DISC1: variants seen among roughly 807,000 people sequenced by gnomAD.
DISC1 encodes the protein disrupted in schizophrenia 1 protein.
A neutral mutation model predicts 84.5 loss-of-function variants in DISC1; 57 were observed. The observed-to-expected ratio is 0.67, with a 90% CI of 0.55 to 0.84. The LOEUF is 0.84. DISC1 is among the 40% of genes least tolerant of loss of function. The pLI is 0.00. For missense variants in DISC1, 1,000 were observed against 1,057.8 expected (o/e 0.95, Z 0.76); for synonymous variants, 411 against 415.2 (o/e 0.99, Z 0.12).
At chr1:231,729,706 AG>A (rs1225582410) in intron 3 of DISC1, among the ~76,000 whole-genome samples, 1 of 148,192 alleles carries the variant, frequency 6.7e-6, no homozygotes, top group Admixed American at 6.7e-5. Flanking sequence ...TTAATCCTCT[AG>A]GGTTTTTTTT....
intron 9 of DISC1, among the ~76,000 whole-genome samples, chr1:231,950,437 G>A (rs1658153430): frequency 6.6e-6 from 1 of 152,156 alleles, no homozygotes; most frequent in African/African-American, 2.4e-5. Flanking sequence ...ACCCAAATAT[G>A]CCTGCTGCTG....
intron 11 of DISC1, among the ~76,000 whole-genome samples, chr1:232,010,329 CA>C: frequency 6.6e-6 from 1 of 152,116 alleles, no homozygotes; most frequent in East Asian, 1.9e-4. Context: ...AGGGAAGTGC[CA>C]CCTAAGCAAG....
intron 10 of DISC1, among the ~76,000 whole-genome samples, chr1:231,993,700 A>G (rs1263255581): frequency 6.6e-6 from 1 of 152,174 alleles, no homozygotes; most frequent in Non-Finnish European, 1.5e-5. Flanking sequence ...CCCTGCTCTC[A>G]AGGGGCCACA....
rs969331440 is a variant in DISC1 at position 231,942,614 on chromosome 1, G to A, written c.1982-16214G>A. Among the ~76,000 whole-genome samples the A allele has an allele frequency of 1.1e-4, 16 of 152,210 alleles. No individual in the cohort carries two copies. In the South Asian group the frequency reaches 1.7e-3, roughly 16 times the overall value. On this transcript the variant is annotated intron_variant, in intron 9 of 12. Transcript: ENST00000439617. ...TGGGAGGCAGAGGTTGCAGCGAGCCGAGATTGCACCACTGCACTCCAGCCT... is the reference window on the plus strand; with the variant it reads ...TGGGAGGCAGAGGTTGCAGCGAGCCAAGATTGCACCACTGCACTCCAGCCT...
intron 2 of DISC1, among the ~76,000 whole-genome samples, chr1:231,699,733 C>T (rs1208473226): frequency 6.6e-6 from 1 of 152,180 alleles, no homozygotes; most frequent in Non-Finnish European, 1.5e-5. Flanking sequence ...ATCATGTGCT[C>T]CTCTGCCCCA....
intron 10 of DISC1, among the ~76,000 whole-genome samples, chr1:231,993,726 A>C (rs753830484): frequency 6.6e-6 from 1 of 152,212 alleles, no homozygotes; most frequent in Non-Finnish European, 1.5e-5. Context: ...CAAACAGGCC[A>C]GGATGATGGC....
At chr1:231,834,858 A>G (rs1032241315) in intron 9 of DISC1, among the ~76,000 whole-genome samples, 1 of 152,190 alleles carries the variant, frequency 6.6e-6, no homozygotes, top group Admixed American at 6.5e-5. Flanking sequence ...ACGTGGGTGA[A>G]TAATCATGCA....
intron 3 of DISC1, among the ~76,000 whole-genome samples, chr1:231,725,367 C>T (rs2070488855): frequency 6.6e-6 from 1 of 152,192 alleles, no homozygotes; most frequent in South Asian, 2.1e-4. Context: ...CGACAAAAGC[C>T]ATCCCTAACT....
Position 232,036,675 on chromosome 1 carries a change from CT to C in DISC1, c.2426-15del. ...GCCACGATCACCTTCGAATGTGCTC[CT>C]TAACAATGTGCCCACAGTCTCTCAG... On this transcript the variant is annotated splice_polypyrimidine_tract_variant and intron_variant, in intron 12 of 12. Coordinates refer to ENST00000439617, the MANE Select transcript of DISC1 (RefSeq NM_018662.3). 1 of 1,571,960 alleles carries C rather than the reference CT, an allele frequency of 6.4e-7. No individual in the cohort carries two copies. Among genetic ancestry groups the C allele is most frequent in the South Asian group, 1.2e-5 (1 of 86,212 alleles).
At chr1:231,645,706 C>G (rs974008274) in intron 1 of DISC1, among the ~76,000 whole-genome samples, 1 of 151,964 alleles carries the variant, frequency 6.6e-6, no homozygotes, top group African/African-American at 2.4e-5. Context: ...TGTTCCCTGT[C>G]CTGTGTCCAA....
chr1:231,833,203 G>A (rs2082373745), intron 9 of DISC1, among the ~76,000 whole-genome samples: 1 of 150,466 alleles, frequency 6.6e-6, no homozygotes, highest in Admixed American at 6.6e-5. Context: ...GGACAGGTGG[G>A]GACAATTAAA....
chr1:231,697,978 A>G (rs1293759877), intron 2 of DISC1, among the ~76,000 whole-genome samples: 1 of 152,160 alleles, frequency 6.6e-6, no homozygotes, highest in East Asian at 1.9e-4. Flanking sequence ...AATGTCATCT[A>G]GTGCTCCTAA....
intron 9 of DISC1, among the ~76,000 whole-genome samples, chr1:231,908,113 C>T (rs1261705084): frequency 1.3e-5 from 2 of 152,116 alleles, no homozygotes; most frequent in Non-Finnish European, 2.9e-5. Context: ...ACTTTTCTCC[C>T]ATTCTGTACG....
At chr1:232,016,038 CATCTCT>C (rs1558839240) in intron 11 of DISC1, among the ~76,000 whole-genome samples, 1 of 152,164 alleles carries the variant, frequency 6.6e-6, no homozygotes, top group African/African-American at 2.4e-5. Context: ...CCAACCATAG[CATCTCT>C]ATCTCTTTCC....
chr1:231,771,321 C>A, intron 6 of DISC1: 1 of 984,632 alleles, frequency 1.0e-6, no homozygotes, highest in Non-Finnish European at 1.2e-6. Flanking sequence ...AATATGCACC[C>A]TCCCCATTTC....
chr1:231,695,997 T>A (rs1336286987), intron 2 of DISC1, among the ~76,000 whole-genome samples: 5 of 152,168 alleles, frequency 3.3e-5, no homozygotes, highest in Non-Finnish European at 2.9e-5. Flanking sequence ...AGTCTTCCAG[T>A]TAGTCATTGC....
At chr1:231,911,597 G>A (rs777523536) in intron 9 of DISC1, among the ~76,000 whole-genome samples, 1 of 152,160 alleles carries the variant, frequency 6.6e-6, no homozygotes, top group African/African-American at 2.4e-5. Flanking sequence ...CTCTCTGGCT[G>A]CTCTTAACAT....
At chr1:231,751,008 A>G (rs2074546909) in intron 4 of DISC1, among the ~76,000 whole-genome samples, 1 of 152,220 alleles carries the variant, frequency 6.6e-6, no homozygotes, top group Non-Finnish European at 1.5e-5. Flanking sequence ...GAGACCAATT[A>G]CTTTCAGTTT....
chr1:231,965,981 A>G (rs1661057583), intron 10 of DISC1, among the ~76,000 whole-genome samples: 1 of 152,094 alleles, frequency 6.6e-6, no homozygotes, highest in African/African-American at 2.4e-5. Flanking sequence ...TTATATTCCA[A>G]GTGGTATTCT....
Sources: allele counts gnomAD v4.1 joint callset (sites outside exome capture counted in the v4.1 genomes callset), GRCh38; gene constraint gnomAD v4.1.1; transcripts MANE v1.5; gene names NCBI Gene and HGNC (gene_info 2026-07-23, HGNC 2026-07-21).